TPP2: variants seen among roughly 807,000 people sequenced by gnomAD.
TPP2 encodes tripeptidyl peptidase 2, also known as tripeptidyl-peptidase 2.
A neutral mutation model predicts 155.9 loss-of-function variants in TPP2; 34 were observed. The ratio of observed to expected loss-of-function variants is 0.22; its 90% CI spans 0.17 to 0.29. The LOEUF (loss-of-function observed/expected upper bound fraction) is 0.29, where lower values mean the gene tolerates loss of function less well. TPP2 is among the 10% of genes least tolerant of loss of function. The probability of loss-of-function intolerance (pLI) is 1.00; values close to 1 mark genes in which losing one functional copy is unlikely to be tolerated. For missense variants in TPP2, 1,028 were observed against 1,522.3 expected (o/e 0.68, Z 5.40); for synonymous variants, 510 against 529.4 (o/e 0.96, Z 0.50).
chr13:102,618,925 T>C, intron 5 of TPP2, 79 bp downstream of exon 5: 1 of 1,468,966 alleles, frequency 6.8e-7, no homozygotes, highest in South Asian at 1.5e-5. Context: ...TGCTCAGAGC[T>C]GCACAGAATT....
At chr13:102,607,577 C>T (rs1380424578) in intron 2 of TPP2, 2 of 384,622 alleles carry the variant, frequency 5.2e-6, no homozygotes, top group South Asian at 1.9e-5. Flanking sequence ...AAGTATTACT[C>T]GAGCATTTAT....
chr13:102,665,252 A>G (rs936605232), intron 27 of TPP2, among the ~76,000 whole-genome samples: 4 of 152,216 alleles, frequency 2.6e-5, no homozygotes, highest in Non-Finnish European at 4.4e-5. Flanking sequence ...AAAATTAACA[A>G]TCTATAAAAT....
At chr13:102,634,810 A>T (rs894382832) in intron 11 of TPP2, among the ~76,000 whole-genome samples, 3 of 152,142 alleles carry the variant, frequency 2.0e-5, no homozygotes, top group African/African-American at 4.8e-5. Context: ...CCCTCTTTCT[A>T]GTTCTCTTCA....
intron 23 of TPP2, among the ~76,000 whole-genome samples, chr13:102,650,054 C>CT (rs1177958107): frequency 1.3e-5 from 2 of 151,940 alleles, no homozygotes; most frequent in Non-Finnish European, 2.9e-5. Flanking sequence ...CAAAATGATG[C>CT]TTTTTTTAGA....
At chr13:102,627,723 A>G (rs188972135) in intron 7 of TPP2, 125 bp from the exon 8 acceptor site, 38 of 657,336 alleles carry the variant, frequency 5.8e-5, no homozygotes, top group Non-Finnish European at 9.4e-5. Flanking sequence ...ATATGCCTGG[A>G]GGTAACTTAT....
chr13:102,599,016 A>G (rs1036255471), intron 1 of TPP2, among the ~76,000 whole-genome samples: 5 of 152,154 alleles, frequency 3.3e-5, no homozygotes, highest in African/African-American at 9.7e-5. Flanking sequence ...GTATTGCCTG[A>G]TGTTAAGGTT....
chr13:102,611,987 C>A (rs1880361935), intron 2 of TPP2, among the ~76,000 whole-genome samples: 1 of 152,188 alleles, frequency 6.6e-6, no homozygotes, highest in South Asian at 2.1e-4. Context: ...TTTTTGGATG[C>A]TTCCCCGACT....
intron 12 of TPP2, among the ~76,000 whole-genome samples, chr13:102,636,019 G>T (rs1882356908): frequency 6.6e-6 from 1 of 152,180 alleles, no homozygotes; most frequent in African/African-American, 2.4e-5. Context: ...ATAACAGTGT[G>T]AATAGAGTGG....
rs1338093727 is a variant in TPP2, at chr13:102,629,471, C to G, written c.1017-11C>G. ...CTGATTATATGTTCAAAGGAATTCT[C>G]TCTTTTTCAGGAGAATTTGTGAAGT... On this transcript the variant is annotated splice_polypyrimidine_tract_variant and intron_variant, in intron 8 of 29. Coordinates refer to ENST00000376052, the MANE Select transcript of TPP2 (RefSeq NM_001330588.2). 1.3e-6 allele frequency: 2 copies of G among 1,484,716 alleles called. No homozygotes were observed. Among genetic ancestry groups the G allele is most frequent in the African/African-American group, 2.9e-5 (2 of 68,692 alleles). 92.0% of individuals were successfully genotyped at this position (1,484,716 alleles called of 1,614,324 possible).
At position 102,652,444 on chromosome 13, in the gene TPP2, AT is replaced by A. The variant is rs1566359208; in HGVS notation, c.2991+1048del. On this transcript the variant is annotated intron_variant, in intron 24 of 29. Transcript: ENST00000376052. ...TATATATATATATATATATATATAT[AT>A]ATATATATAAAAGGGACCACATATT... Among the ~76,000 whole-genome samples the A allele has an allele frequency of 7.3e-3, 452 of 62,002 alleles. 5 individuals are homozygous for A. The highest frequency in any genetic ancestry group is 0.013 in the Non-Finnish European group (364 of 28,426). The allele number at this position is 62,002 out of a possible 152,430, so 40.7% of individuals were successfully genotyped here. A position where few individuals can be genotyped will look rare whatever the true frequency, so the allele number is the denominator to read the frequency against.
At chr13:102,663,048 A>G (rs1317695427) in intron 25 of TPP2, among the ~76,000 whole-genome samples, 2 of 152,078 alleles carry the variant, frequency 1.3e-5, no homozygotes, top group African/African-American at 4.8e-5. Flanking sequence ...CTGGTATGTA[A>G]GAAAGCTATT....
At position 102,629,535 on chromosome 13, in the gene TPP2, T is replaced by C. The variant is rs1881874680; in HGVS notation, c.1070T>C (p.Val357Ala). 1 of 1,537,682 alleles carries C rather than the reference T, an allele frequency of 6.5e-7. No homozygotes were observed. Among genetic ancestry groups the C allele is most frequent in the African/African-American group, 1.4e-5 (1 of 69,894 alleles). Residue 357 changes from valine to alanine, a missense_variant, in exon 9 of 30, where the codon GTT becomes GCT. This residue lies in a region of TPP2 where 63 missense variants were observed against 165.7 expected (regional missense o/e 0.38). Transcript: ENST00000376052. ...GTATGGAAGCATAATATAATTTATG[T>C]TTCAAGTGCTGGAAATAATGGTCCA... ...EAVWKHNIIYVSSAGNNGPCL... is the reference protein window; with the variant it reads ...EAVWKHNIIYASSAGNNGPCL...
chr13:102,607,213 G>T (rs1595133181), intron 2 of TPP2, among the ~76,000 whole-genome samples: 2 of 152,200 alleles, frequency 1.3e-5, no homozygotes, highest in East Asian at 1.9e-4. Context: ...TGCGGGTTGA[G>T]AATCCCTTAT....
intron 17 of TPP2, among the ~76,000 whole-genome samples, chr13:102,643,692 G>T (rs575781324): frequency 4.6e-5 from 7 of 152,258 alleles, no homozygotes; most frequent in African/African-American, 1.2e-4. Context: ...ATTTCTTTAA[G>T]ACCTGTTTGC....
Position 102,634,635 on chromosome 13 carries a change from C to T in TPP2, c.1393+537C>T, listed in dbSNP as rs932171108. ...TTGTCTCTCCTCTGCCTCCTTTCTT[C>T]CCCGCTTTTCTCACCCACACCACAG... On this transcript the variant is annotated intron_variant, in intron 11 of 29. Transcript: ENST00000376052. Among the ~76,000 whole-genome samples, 60 of 152,152 alleles carry T rather than the reference C, an allele frequency of 3.9e-4. 1 individual carries two copies. Among genetic ancestry groups the T allele is most frequent in the Non-Finnish European group, 3.5e-4 (24 of 68,026 alleles).
At chr13:102,597,675 G>A (rs1398966100) in intron 1 of TPP2, among the ~76,000 whole-genome samples, 1 of 149,086 alleles carries the variant, frequency 6.7e-6, no homozygotes, top group Non-Finnish European at 1.5e-5. Flanking sequence ...TTTTATCATT[G>A]GGGTGGGGTG....
intron 1 of TPP2, among the ~76,000 whole-genome samples, chr13:102,599,126 C>A (rs1172393391): frequency 6.6e-6 from 1 of 152,134 alleles, no homozygotes; most frequent in Non-Finnish European, 1.5e-5. Context: ...TCCCCAGTAT[C>A]TGTTGTTCCC....
chr13:102,616,008 G>A (rs1880691204), intron 3 of TPP2, among the ~76,000 whole-genome samples: 1 of 151,524 alleles, frequency 6.6e-6, no homozygotes, highest in Non-Finnish European at 1.5e-5. Context: ...CCAGGCTGGA[G>A]TGCAGTGGCT....
intron 21 of TPP2, 92 bp downstream of exon 21, chr13:102,647,436 T>C (rs778387485): frequency 2.8e-6 from 4 of 1,429,912 alleles, no homozygotes; most frequent in Non-Finnish European, 2.8e-6. Context: ...GTTCATACTT[T>C]AAAAAAAACA....
Sources: gnomAD v4.1 joint callset for allele counts (sites outside exome capture counted in the v4.1 genomes callset) on GRCh38, gnomAD v4.1.1 for gene constraint, gnomAD v4.1.1 regional missense constraint, MANE v1.5 for transcripts, NCBI Gene and HGNC (gene_info 2026-07-23, HGNC 2026-07-21) for gene names.